The following VCAM1 variants were observed in gnomAD, a reference collection of about 807,000 sequenced individuals.
The protein encoded by VCAM1 is vascular cell adhesion protein 1.
A neutral mutation model predicts 63.8 loss-of-function variants in VCAM1; 41 were observed. That is an observed-to-expected ratio of 0.64 (90% CI 0.50 to 0.83). The LOEUF is 0.83. Among genes scored for constraint, VCAM1 ranks in the 40% least tolerant of loss-of-function variants. The pLI, the probability that VCAM1 is intolerant of heterozygous loss-of-function variation, is 0.00. For missense variants in VCAM1, 798 were observed against 875.5 expected (o/e 0.91, Z 1.12); for synonymous variants, 338 against 320.7 (o/e 1.05, Z -0.58).
chr1:100,738,159 T>C lies in VCAM1; in HGVS notation c.2096T>C (p.Leu699Pro). Residue 699 changes from leucine to proline, a missense_variant, in exon 9 of 9, where the codon CTT becomes CCT. Coordinates refer to ENST00000294728, the MANE Select transcript of VCAM1 (RefSeq NM_001078.4). ...ENNKDYFSPE[L>P]LVLYFASSLI... ...AACAAAGACTATTTTTCTCCTGAGC[T>C]TCTCGTGCTCTATTTTGCATCCTCC... 4 of 1,613,724 alleles carry C rather than the reference T, an allele frequency of 2.5e-6. No individual in the cohort carries two copies. Among genetic ancestry groups the C allele is most frequent in the Non-Finnish European group, 3.4e-6 (4 of 1,179,756 alleles).
Position 100,719,743 on chromosome 1 carries a change from C to G in VCAM1, c.-118C>G. 1.1e-6 allele frequency: 1 copy of G among 916,940 alleles called. No homozygotes were observed. The highest frequency in any genetic ancestry group is 1.9e-5 in the South Asian group (1 of 52,916). The allele number at this position is 916,940 out of a possible 1,614,324, so 56.8% of individuals were successfully genotyped here. A position where few individuals can be genotyped will look rare whatever the true frequency, so the allele number is the denominator to read the frequency against. ...AGCACAGACTTTCTATTTCACTCCG[C>G]GGTATCTGCATCGGGCCTCACTGGC... On this transcript the variant is annotated 5_prime_UTR_variant, in exon 1 of 9. Transcript: ENST00000294728.
rs773604592 is a variant in VCAM1 at position 100,724,788 on chromosome 1, C to T, written c.826C>T (p.Leu276Phe). Residue 276 changes from leucine (L) to phenylalanine (F), a missense_variant, in exon 4 of 9, where the codon CTC becomes TTC. Physicochemically the swap from Leu to Phe is conservative, Grantham distance 22. Coordinates refer to ENST00000294728, the MANE Select transcript of VCAM1 (RefSeq NM_001078.4). ...NLQHLSGNAT[L>F]TLIAMRMEDS... ...ACAGCACCTTTCTGGAAATGCAACTCTCACCTTAATTGCTATGAGGATGGA... is the reference window on the plus strand; with the variant it reads ...ACAGCACCTTTCTGGAAATGCAACTTTCACCTTAATTGCTATGAGGATGGA... The T allele has an allele frequency of 1.9e-6, 3 of 1,612,982 alleles. No individual in the cohort carries two copies. The highest frequency in any genetic ancestry group is 2.2e-5 in the East Asian group (1 of 44,800).
chr1:100,720,069 A>G (rs1232515172), intron 1 of VCAM1, 145 bp downstream of exon 1: 50 of 858,252 alleles, frequency 5.8e-5, no homozygotes. Context: ...AACTTTTAAT[A>G]TGCAATTGAG....
Position 100,731,406 on chromosome 1 carries a change from C to A in VCAM1, c.1413C>A (p.Ile471=). ...LENKSLEMTF[I]PTIEDTGKAL... ...ACAAAAGTTTGGAAATGACCTTCAT[C>A]CCTACCATTGAAGATACTGGAAAAG... The change falls in exon 6 of 9, where the codon ATC becomes ATA. Residue 471 remains isoleucine, a synonymous_variant. Transcript: ENST00000294728. This position sits in a 1 kb window ranked among gnomAD's most constrained non-coding sequence, Gnocchi z 4.2. 2 of 1,613,780 alleles carry A rather than the reference C, an allele frequency of 1.2e-6. No individual in the cohort carries two copies. Among genetic ancestry groups the A allele is most frequent in the Non-Finnish European group, 1.7e-6 (2 of 1,179,832 alleles).
chr1:100,736,663 A>G (rs1293427039), intron 8 of VCAM1: 1 of 152,204 alleles, frequency 6.6e-6, no homozygotes, highest in Non-Finnish European at 1.5e-5. Flanking sequence ...ATGCCTATCC[A>G]TAATCATGTT....
Position 100,731,263 on chromosome 1 carries a change from A to C in VCAM1, c.1270A>C (p.Ser424Arg). The C allele has an allele frequency of 6.2e-7, 1 of 1,613,728 alleles. No homozygotes were observed. Among genetic ancestry groups the C allele is most frequent in the Non-Finnish European group, 8.5e-7 (1 of 1,179,776 alleles). Residue 424 changes from serine (S) to arginine (R), a missense_variant, in exon 6 of 9, where the codon AGC becomes CGC. By Grantham distance (110) the Ser-to-Arg change is moderately radical (BLOSUM62 -1). Coordinates refer to ENST00000294728, the MANE Select transcript of VCAM1 (RefSeq NM_001078.4). This position sits in a 1 kb window ranked among gnomAD's most constrained non-coding sequence, Gnocchi z 4.2. Reference protein sequence around the residue: ...GLVNGSSVTVSCKVPSVYPLD... With the variant: ...GLVNGSSVTVRCKVPSVYPLD... ...CGTGAATGGGAGCTCTGTCACTGTA[A>C]GCTGCAAGGTTCCTAGCGTGTACCC...
Position 100,731,388 on chromosome 1 carries a change from T to C in VCAM1, c.1395T>C (p.Ser465=), listed in dbSNP as rs1325254468. Residue 465 remains serine (S), a synonymous_variant, in exon 6 of 9, where the codon AGT becomes AGC. Coordinates refer to ENST00000294728, the MANE Select transcript of VCAM1 (RefSeq NM_001078.4). This position sits in a 1 kb window ranked among gnomAD's most constrained non-coding sequence, Gnocchi z 4.2. ...ATATGAAATCTCTAGAGAACAAAAG[T>C]TTGGAAATGACCTTCATCCCTACCA... The part of the protein sequence containing the change: ...DTDMKSLENK[S]LEMTFIPTIE... 6.2e-7 allele frequency: 1 copy of C among 1,613,738 alleles called. No individual in the cohort carries two copies. Among genetic ancestry groups the C allele is most frequent in the Non-Finnish European group, 8.5e-7 (1 of 1,179,828 alleles).
chr1:100,730,786 A>G (rs1006551548), intron 5 of VCAM1, among the ~76,000 whole-genome samples: 4 of 152,112 alleles, frequency 2.6e-5, no homozygotes, highest in Admixed American at 2.0e-4. Flanking sequence ...AGCTGCTTTG[A>G]AGACTGAGAT....
Position 100,732,492 on chromosome 1 carries a change from T to A in VCAM1, c.1600T>A (p.Cys534Ser). 1 of 1,613,058 alleles carries A rather than the reference T, an allele frequency of 6.2e-7. No individual in the cohort carries two copies. The highest frequency in any genetic ancestry group is 1.1e-5 in the South Asian group (1 of 90,780). ...LEEGSSVNMT[C>S]LSQGFPAPKI... ...GGAAGGCAGTTCTGTGAATATGACA[T>A]GCTTGAGCCAGGGCTTTCCTGCTCC... is the stretch of plus-strand genomic sequence containing the variant. Residue 534 changes from cysteine (C) to serine (S), a missense_variant, in exon 7 of 9, where the codon TGC becomes AGC. Cys to Ser is a moderately radical substitution (Grantham distance 112). Coordinates refer to ENST00000294728, the MANE Select transcript of VCAM1 (RefSeq NM_001078.4).
intron 1 of VCAM1, among the ~76,000 whole-genome samples, chr1:100,720,270 G>A (rs975054726): frequency 6.6e-6 from 1 of 152,046 alleles, no homozygotes; most frequent in Non-Finnish European, 1.5e-5. Context: ...CATCAAGGTT[G>A]GAACTGAGAA....
Position 100,724,871 on chromosome 1 carries a change from G to A in VCAM1, c.909G>A (p.Glu303=). ...GVNLIGKNRK[E]VELIVQEKPF... ...ATTTGATTGGGAAAAACAGAAAAGAGGTGGAATTAATTGTTCAAGGTGAGT... is the reference window on the plus strand; with the variant it reads ...ATTTGATTGGGAAAAACAGAAAAGAAGTGGAATTAATTGTTCAAGGTGAGT... The change falls in exon 4 of 9, where the codon GAG becomes GAA. Residue 303 remains glutamate, a synonymous_variant. Transcript: ENST00000294728. 5 of 1,612,522 alleles carry A rather than the reference G, an allele frequency of 3.1e-6. No individual in the cohort carries two copies. The highest frequency in any genetic ancestry group is 4.2e-6 in the Non-Finnish European group (5 of 1,179,090).
intron 5 of VCAM1, among the ~76,000 whole-genome samples, chr1:100,729,752 TAAGGCACTGTTTTA>T (rs1424609884): frequency 1.3e-5 from 2 of 152,044 alleles, no homozygotes; most frequent in South Asian, 4.1e-4. Context: ...TAAACTGTTT[TAAGGCACTGTTTTA>T]AAGGCACATT....
intron 2 of VCAM1, among the ~76,000 whole-genome samples, chr1:100,721,302 G>T (rs1300011383): frequency 6.6e-6 from 1 of 151,928 alleles, no homozygotes; most frequent in Non-Finnish European, 1.5e-5. Context: ...ACACATTTAG[G>T]ATTTTTTTTT....
intron 1 of VCAM1, 113 bp downstream of exon 1, chr1:100,720,037 G>T: frequency 8.8e-7 from 1 of 1,137,002 alleles, no homozygotes; most frequent in Non-Finnish European, 1.3e-6. Flanking sequence ...ATTTTAAACA[G>T]TAGGAAAAGT....
chr1:100,723,092 C>T lies in VCAM1; in HGVS notation c.413C>T (p.Ser138Leu). 24 of 1,612,962 alleles carry T rather than the reference C, an allele frequency of 1.5e-5. No individual in the cohort carries two copies. The highest frequency in any genetic ancestry group is 2.0e-5 in the Non-Finnish European group (24 of 1,179,404). Reference sequence around the variant, plus strand: ...GGGAAGCCGATCACAGTCAAGTGTTCAGTTGCTGATGTATACCCATTTGAC... The same window carrying T: ...GGGAAGCCGATCACAGTCAAGTGTTTAGTTGCTGATGTATACCCATTTGAC... The part of the protein sequence containing the change: ...EAGKPITVKC[S>L]VADVYPFDRL... Residue 138 changes from serine (S) to leucine (L), a missense_variant, in exon 3 of 9, where the codon TCA (serine) becomes TTA (leucine). Ser to Leu is a moderately radical substitution (Grantham distance 145). Coordinates refer to ENST00000294728, the MANE Select transcript of VCAM1 (RefSeq NM_001078.4).
chr1:100,729,182 G>A lies in VCAM1; in HGVS notation c.1004G>A (p.Cys335Tyr), dbSNP rs1293879444. The A allele has an allele frequency of 6.2e-7, 1 of 1,613,546 alleles. No individual in the cohort carries two copies. Among genetic ancestry groups the A allele is most frequent in the Non-Finnish European group, 8.5e-7 (1 of 1,179,700 alleles). ...ATTGGAGACTCAGTCATGTTGACAT[G>A]TAGTGTCATGGGCTGTGAATCCCCA... ...AQIGDSVMLT[C>Y]SVMGCESPSF... Residue 335 changes from cysteine (C) to tyrosine (Y), a missense_variant, in exon 5 of 9, where the codon TGT becomes TAT. Physicochemically the swap from Cys to Tyr is radical, Grantham distance 194. Transcript: ENST00000294728.
In VCAM1 at chr1:100,729,142, C is replaced by T. The variant is rs1315859330; in HGVS notation, c.964C>T (p.Arg322Trp). 10 of 1,606,952 alleles carry T rather than the reference C, an allele frequency of 6.2e-6. No homozygotes were observed. Among genetic ancestry groups the T allele is most frequent in the East Asian group, 2.2e-5 (1 of 44,764 alleles). The change falls in exon 5 of 9, where the codon CGG (arginine) becomes TGG (tryptophan). Residue 322 changes from arginine (R) to tryptophan (W), a missense_variant. Arg to Trp is a moderately radical substitution (Grantham distance 101, BLOSUM62 -3). Transcript: ENST00000294728. ...PFTVEISPGP[R>W]IAAQIGDSVM... ...TACTGTTGAGATCTCCCCTGGACCC[C>T]GGATTGCTGCTCAGATTGGAGACTC...
intron 8 of VCAM1, among the ~76,000 whole-genome samples, 179 bp downstream of exon 8, chr1:100,734,947 C>T (rs1660597506): frequency 2.0e-5 from 3 of 152,164 alleles, no homozygotes; most frequent in South Asian, 2.1e-4. Flanking sequence ...AGGAAGTTGA[C>T]ATTAATCATT....
intron 2 of VCAM1, 136 bp from the exon 3 acceptor site, chr1:100,722,884 G>C (rs3917008): frequency 0.015 from 14,821 of 967,010 alleles, 143 homozygotes; most frequent in Non-Finnish European, 0.018. Context: ...ATCATGAAAG[G>C]CTATTCAAAC....
Sources: gnomAD v4.1 joint callset for allele counts (sites outside exome capture counted in the v4.1 genomes callset) on GRCh38, gnomAD v4.1.1 for gene constraint, Gnocchi (gnomAD v3.1) non-coding constraint, MANE v1.5 for transcripts, NCBI Gene and HGNC (gene_info 2026-07-23, HGNC 2026-07-21) for gene names.